The following CNTN5 variants were observed in gnomAD, a reference collection of about 807,000 sequenced individuals.
The protein encoded by CNTN5 is contactin-5.
In CNTN5, 77 loss-of-function variants were observed where a neutral mutation model predicts 129.1. The observed-to-expected ratio is 0.60, with a 90% CI of 0.50 to 0.72. The LOEUF (loss-of-function observed/expected upper bound fraction) is 0.72. Among genes scored for constraint, CNTN5 ranks in the 30% least tolerant of loss-of-function variants. The pLI is 0.00. For missense variants in CNTN5, 1,478 were observed against 1,328.8 expected (o/e 1.11, Z -1.75); for synonymous variants, 509 against 465.6 (o/e 1.09, Z -1.20).
chr11:99,195,629 T>A (rs967539252), intron 1 of CNTN5, among the ~76,000 whole-genome samples: 42 of 152,012 alleles, frequency 2.8e-4, no homozygotes, highest in African/African-American at 9.4e-4. Context: ...AGGAATTACC[T>A]ATTAATATTA....
chr11:100,084,463 C>G lies in CNTN5; in HGVS notation c.1580+10169C>G, dbSNP rs570026996. On this transcript the variant is annotated intron_variant, in intron 13 of 24. Transcript: ENST00000524871. Reference sequence around the variant, plus strand: ...TGAGAATTACATAGTCACTTCTTTTCAGATTTTGCATAAATCACGATGTAA... The same window carrying G: ...TGAGAATTACATAGTCACTTCTTTTGAGATTTTGCATAAATCACGATGTAA... Among the ~76,000 whole-genome samples, 16 of 152,160 alleles carry G rather than the reference C, an allele frequency of 1.1e-4. No homozygotes were observed. The South Asian group carries it at 3.1e-3, about 30-fold the overall frequency.
At chr11:99,041,068 G>C (rs1018685260) in intron 1 of CNTN5, among the ~76,000 whole-genome samples, 1 of 152,002 alleles carries the variant, frequency 6.6e-6, no homozygotes, top group African/African-American at 2.4e-5. Context: ...TTTCTCATTT[G>C]TTCAATGAGA....
intron 17 of CNTN5, among the ~76,000 whole-genome samples, chr11:100,265,335 A>G (rs1323911445): frequency 6.6e-6 from 1 of 152,132 alleles, no homozygotes. Flanking sequence ...GGAGCTGTCC[A>G]CAAGGTTTGC....
At chr11:99,357,690 G>A (rs917498224) in intron 2 of CNTN5, among the ~76,000 whole-genome samples, 1 of 152,032 alleles carries the variant, frequency 6.6e-6, no homozygotes, top group Non-Finnish European at 1.5e-5. Context: ...ATGTGAAAAT[G>A]GACAAGTGTT....
intron 13 of CNTN5, among the ~76,000 whole-genome samples, chr11:100,175,949 C>T (rs1241369481): frequency 6.6e-6 from 1 of 151,956 alleles, no homozygotes; most frequent in Non-Finnish European, 1.5e-5. Flanking sequence ...GTACTTATAT[C>T]CTATAAAAAG....
At chr11:99,662,809 G>A (rs2135921843) in intron 3 of CNTN5, among the ~76,000 whole-genome samples, 1 of 152,226 alleles carries the variant, frequency 6.6e-6, no homozygotes, top group Middle Eastern at 3.4e-3. Flanking sequence ...AAGAATCTCA[G>A]ACGCCATCCA....
chr11:100,072,017 G>C (rs184503024), intron 12 of CNTN5, among the ~76,000 whole-genome samples, 183 bp downstream of exon 12: 1 of 151,830 alleles, frequency 6.6e-6, no homozygotes, highest in East Asian at 1.9e-4. Context: ...TGTATAGTTC[G>C]TCCCATAACT....
intron 3 of CNTN5, among the ~76,000 whole-genome samples, chr11:99,685,589 T>C (rs2134744293): frequency 6.6e-6 from 1 of 150,570 alleles, no homozygotes; most frequent in Non-Finnish European, 1.5e-5. Flanking sequence ...AGTTGTCTAA[T>C]AAAAGGTCTC....
At chr11:99,445,457 C>T (rs1181686669) in intron 2 of CNTN5, among the ~76,000 whole-genome samples, 1 of 152,092 alleles carries the variant, frequency 6.6e-6, no homozygotes, top group Admixed American at 6.6e-5. Flanking sequence ...CAAATGGCGC[C>T]TCCAGTTTCT....
intron 3 of CNTN5, among the ~76,000 whole-genome samples, chr11:99,639,559 G>GGTTT (rs1478048866): frequency 7.0e-4 from 49 of 70,320 alleles, no homozygotes; most frequent in Non-Finnish European, 8.5e-4. Flanking sequence ...TCACCTTTAT[G>GGTTT]TTTTTTTTTT....
At chr11:99,865,892 A>G (rs1427778033) in intron 6 of CNTN5, among the ~76,000 whole-genome samples, 2 of 152,164 alleles carry the variant, frequency 1.3e-5, no homozygotes, top group Non-Finnish European at 2.9e-5. Flanking sequence ...CACTAGCCAT[A>G]TGGATTCAAG....
intron 16 of CNTN5, among the ~76,000 whole-genome samples, chr11:100,255,268 A>C (rs1950042835): frequency 6.6e-6 from 1 of 152,172 alleles, no homozygotes. Context: ...GTTAGAGTCT[A>C]AGCTATGTGT....
chr11:99,532,485 A>C (rs530905711), intron 2 of CNTN5, among the ~76,000 whole-genome samples: 1 of 152,220 alleles, frequency 6.6e-6, no homozygotes, highest in African/African-American at 2.4e-5. Flanking sequence ...ATGTGAGGAC[A>C]TGAGATTTGG....
chr11:100,028,442 C>T (rs1336928602), intron 9 of CNTN5, among the ~76,000 whole-genome samples: 1 of 152,062 alleles, frequency 6.6e-6, no homozygotes, highest in Non-Finnish European at 1.5e-5. Context: ...TAGATTTCTC[C>T]AAGAGACTCA....
chr11:100,295,653 C>T (rs1394064205), intron 18 of CNTN5, among the ~76,000 whole-genome samples: 1 of 151,352 alleles, frequency 6.6e-6, no homozygotes, highest in Non-Finnish European at 1.5e-5. Context: ...TACTCTAAAA[C>T]TGTAATCTAG....
At chr11:100,069,021 G>A (rs998490491) in intron 10 of CNTN5, among the ~76,000 whole-genome samples, 3 of 152,180 alleles carry the variant, frequency 2.0e-5, no homozygotes, top group African/African-American at 4.8e-5. Context: ...ACATGGTAAT[G>A]ACTAGCACTA....
At chr11:99,653,052 A>G (rs753644284) in intron 3 of CNTN5, among the ~76,000 whole-genome samples, 3 of 152,006 alleles carry the variant, frequency 2.0e-5, no homozygotes, top group African/African-American at 4.8e-5. Flanking sequence ...AGAAAAAACA[A>G]TTGTTTATAC....
At chr11:99,943,908 C>T (rs1439263184) in intron 7 of CNTN5, among the ~76,000 whole-genome samples, 1 of 152,018 alleles carries the variant, frequency 6.6e-6, no homozygotes, top group Non-Finnish European at 1.5e-5. Context: ...TGTTTTGGTA[C>T]CATTACCATA....
intron 2 of CNTN5, among the ~76,000 whole-genome samples, chr11:99,523,816 G>A (rs1182932097): frequency 6.6e-6 from 1 of 152,140 alleles, no homozygotes; most frequent in African/African-American, 2.4e-5. Context: ...CAGATCTAGA[G>A]TAAGAGAGAC....
Sources: gnomAD v4.1 joint callset for allele counts (sites outside exome capture counted in the v4.1 genomes callset) on GRCh38, gnomAD v4.1.1 for gene constraint, MANE v1.5 for transcripts, NCBI Gene and HGNC (gene_info 2026-07-23, HGNC 2026-07-21) for gene names.